The following GALNT11 variants were observed in gnomAD, a reference collection of about 807,000 sequenced individuals.
GALNT11 encodes polypeptide N-acetylgalactosaminyltransferase 11, also known as UDP-GalNAc:polypeptide N-acetylgalactosaminyltransferase 11.
In GALNT11, 47 loss-of-function variants were observed where a neutral mutation model predicts 72.7. The ratio of observed to expected loss-of-function variants is 0.65; its 90% CI spans 0.51 to 0.82. GALNT11 has a LOEUF of 0.82. Ranked by LOEUF, GALNT11 falls within the 40% of genes least tolerant of loss-of-function variation. GALNT11 has a pLI of 0.00. For missense variants in GALNT11, 677 were observed against 778.4 expected (o/e 0.87, Z 1.55); for synonymous variants, 270 against 286.6 (o/e 0.94, Z 0.58).
At position 152,120,940 on chromosome 7, in the gene GALNT11, C is replaced by G. The variant is rs1343983442; in HGVS notation, c.1667C>G (p.Ser556Ter). Reference protein sequence around the residue: ...DPPRLMKCHGSGGSQQWTFGK... With the variant: ...DPPRLMKCHG Reference sequence around the variant, plus strand: ...CCACGGCTCATGAAATGCCACGGGTCAGGAGGATCCCAGCAGTGGACCTTT... The same window carrying G: ...CCACGGCTCATGAAATGCCACGGGTGAGGAGGATCCCAGCAGTGGACCTTT... The change falls in exon 11 of 12, where the codon TCA (serine) becomes TGA (stop). Residue 556 changes from serine (S) to a stop codon, truncating the protein, a stop_gained. Coordinates refer to ENST00000430044, the MANE Select transcript of GALNT11 (RefSeq NM_022087.4). LOFTEE classifies it high-confidence loss of function. 1 of 1,613,946 alleles carries G rather than the reference C, an allele frequency of 6.2e-7. No homozygotes were observed. The highest frequency in any genetic ancestry group is 8.5e-7 in the Non-Finnish European group (1 of 1,180,006).
chr7:152,052,216 C>T (rs2083439128), intron 1 of GALNT11, among the ~76,000 whole-genome samples: 1 of 152,024 alleles, frequency 6.6e-6, no homozygotes, highest in Non-Finnish European at 1.5e-5. Context: ...AATAATATTC[C>T]ATTGTGTGTA....
chr7:152,035,112 T>C (rs1318068332), intron 1 of GALNT11, among the ~76,000 whole-genome samples: 1 of 152,212 alleles, frequency 6.6e-6, no homozygotes, highest in Non-Finnish European at 1.5e-5. Context: ...ATGTCATTTC[T>C]GAAGCTCCCC....
At chr7:152,073,100 C>T (rs2084755212) in intron 1 of GALNT11, among the ~76,000 whole-genome samples, 1 of 152,164 alleles carries the variant, frequency 6.6e-6, no homozygotes, top group African/African-American at 2.4e-5. Flanking sequence ...GTGATCAGAT[C>T]AGAGTAATTA....
chr7:152,043,846 T>G (rs940241600), intron 1 of GALNT11, among the ~76,000 whole-genome samples: 1 of 152,334 alleles, frequency 6.6e-6, no homozygotes, highest in East Asian at 1.9e-4. Context: ...TTCCTCCTCA[T>G]CAGTGTGAAA....
At chr7:152,042,298 A>ATGTCCCCATAGGT (rs146536881) in intron 1 of GALNT11, among the ~76,000 whole-genome samples, 2,947 of 152,346 alleles carry the variant, frequency 0.019, 102 homozygotes, top group African/African-American at 0.068. Flanking sequence ...CTTGGCTGTA[A>ATGTCCCCATAGGT]TGTCCCCATA....
At chr7:152,051,051 T>C (rs770267280) in intron 1 of GALNT11, among the ~76,000 whole-genome samples, 2 of 152,214 alleles carry the variant, frequency 1.3e-5, no homozygotes, top group Non-Finnish European at 2.9e-5. Context: ...AGTGATATTA[T>C]GTTAAAACCA....
chr7:152,062,921 A>G (rs1243988431), intron 1 of GALNT11, among the ~76,000 whole-genome samples: 1 of 152,112 alleles, frequency 6.6e-6, no homozygotes, highest in African/African-American at 2.4e-5. Context: ...TTGGTCTAAA[A>G]TTCTCTTTTT....
chr7:152,095,523 C>G (rs1214969612), intron 2 of GALNT11, among the ~76,000 whole-genome samples: 2 of 151,990 alleles, frequency 1.3e-5, no homozygotes, highest in East Asian at 3.9e-4. Context: ...TATAGGAAGT[C>G]AAAAGTATGT....
rs566421124 is a variant in GALNT11 at position 152,094,983 on chromosome 7, A to G, written c.295+461A>G. ...ATTGCTAGAATTGTTAATAAGGGAA[A>G]GAAATGGTTGAAAGTTTCCTTGACT... On this transcript the variant is annotated intron_variant, in intron 2 of 11. Transcript: ENST00000430044. This position sits in a 1 kb window ranked among gnomAD's most constrained non-coding sequence, Gnocchi z 4.3. 5.3e-5 allele frequency among the ~76,000 whole-genome samples: 8 copies of G among 152,328 alleles called. No homozygotes were observed. The East Asian group carries it at 1.5e-3, about 29-fold the overall frequency.
intron 1 of GALNT11, among the ~76,000 whole-genome samples, chr7:152,085,069 T>A (rs1324885509): frequency 6.6e-6 from 1 of 152,176 alleles, no homozygotes; most frequent in South Asian, 2.1e-4. Context: ...CATAGGCCTA[T>A]CCACATTTTT....
chr7:152,043,639 G>A (rs2082978887), intron 1 of GALNT11, among the ~76,000 whole-genome samples: 1 of 152,142 alleles, frequency 6.6e-6, no homozygotes, highest in Admixed American at 6.5e-5. Context: ...TGTTGCTTGA[G>A]GTGCAGCTTG....
intron 1 of GALNT11, among the ~76,000 whole-genome samples, chr7:152,055,272 A>G (rs1308005524): frequency 6.6e-6 from 1 of 152,196 alleles, no homozygotes; most frequent in Non-Finnish European, 1.5e-5. Context: ...TTCATCCCAT[A>G]AAAGATGCCA....
At chr7:152,111,644 A>ATATATTT (rs201303779) in intron 7 of GALNT11, among the ~76,000 whole-genome samples, 1 of 139,210 alleles carries the variant, frequency 7.2e-6, no homozygotes, top group African/African-American at 2.7e-5. Flanking sequence ...ATATATATAT[A>ATATATTT]TTTTTTTAAA....
chr7:152,041,267 C>T (rs1160809128), intron 1 of GALNT11, among the ~76,000 whole-genome samples: 1 of 152,158 alleles, frequency 6.6e-6, no homozygotes, highest in Non-Finnish European at 1.5e-5. Context: ...CTCCACCAAA[C>T]CAGTTCAAAA....
intron 2 of GALNT11, among the ~76,000 whole-genome samples, chr7:152,100,259 T>C (rs528924118): frequency 4.6e-5 from 7 of 152,116 alleles, no homozygotes; most frequent in Admixed American, 1.3e-4. Context: ...TTGAATATAA[T>C]AAACTATTCT....
chr7:152,121,529 T>A lies in GALNT11; in HGVS notation c.1696-17T>A. On this transcript the variant is annotated splice_polypyrimidine_tract_variant and intron_variant, in intron 11 of 11. Coordinates refer to ENST00000430044, the MANE Select transcript of GALNT11 (RefSeq NM_022087.4). ...CCAGTAATTGGCAGTATTTTTTTGT[T>A]GCTACCTTTTTTTCAGAAAAACAAT... The A allele has an allele frequency of 6.2e-7, 1 of 1,602,794 alleles. No homozygotes were observed. Among genetic ancestry groups the A allele is most frequent in the Non-Finnish European group, 8.5e-7 (1 of 1,174,742 alleles).
chr7:152,111,976 G>T (rs1009742770), intron 7 of GALNT11, among the ~76,000 whole-genome samples: 8 of 152,106 alleles, frequency 5.3e-5, no homozygotes, highest in African/African-American at 1.9e-4. Context: ...AATCCACCTC[G>T]CATTATCTGT....
chr7:152,072,778 G>T (rs2084734957), intron 1 of GALNT11, among the ~76,000 whole-genome samples: 1 of 152,200 alleles, frequency 6.6e-6, no homozygotes, highest in Non-Finnish European at 1.5e-5. Context: ...CCAGCCAATG[G>T]AGTCAGAACA....
intron 2 of GALNT11, among the ~76,000 whole-genome samples, chr7:152,097,108 A>G (rs1230986301): frequency 2.0e-5 from 3 of 152,242 alleles, no homozygotes; most frequent in African/African-American, 4.8e-5. Flanking sequence ...GACTATAGGC[A>G]TGAACCACTG....
Sources: gnomAD v4.1 joint callset for allele counts (sites outside exome capture counted in the v4.1 genomes callset) on GRCh38, gnomAD v4.1.1 for gene constraint, Gnocchi (gnomAD v3.1) non-coding constraint, MANE v1.5 for transcripts, NCBI Gene and HGNC (gene_info 2026-07-23, HGNC 2026-07-21) for gene names.